The following NCR1 variants were observed in gnomAD, a reference collection of about 807,000 sequenced individuals.
The protein encoded by NCR1 is natural cytotoxicity triggering receptor 1, also known as NK cell-activating receptor.
NCR1 carries 30 observed loss-of-function variants against 32.5 expected under a neutral mutation model. The ratio of observed to expected loss-of-function variants is 0.92; its 90% CI spans 0.69 to 1.25. The LOEUF (loss-of-function observed/expected upper bound fraction) is 1.25. NCR1 is among the 50% of genes most tolerant of loss of function. NCR1 has a pLI of 0.00. For synonymous variants in NCR1, 169 were observed against 143.4 expected, an observed-to-expected ratio of 1.18 and a Z score of -1.28; for missense variants, 369 against 380.7, an observed-to-expected ratio of 0.97 and a Z score of 0.26.
In NCR1 at chr19:54,906,566, G is replaced by A. The variant is rs1569536421; in HGVS notation, c.114G>A (p.Met38Ile). 5 of 1,612,736 alleles carry A rather than the reference G, an allele frequency of 3.1e-6. No individual in the cohort carries two copies. Among genetic ancestry groups the A allele is most frequent in the Admixed American group, 1.7e-5 (1 of 59,992 alleles). The change falls in exon 3 of 7, where the codon ATG becomes ATA. Residue 38 changes from methionine (M) to isoleucine (I), a missense_variant. By Grantham distance (10) the Met-to-Ile change is conservative. Transcript: ENST00000291890. ...TCATCTGGGCCGAGCCCCATTTCAT[G>A]GTTCCAAAGGAAAAGCAAGTGACCA... is the stretch of plus-strand genomic sequence containing the variant. ...KPFIWAEPHF[M>I]VPKEKQVTIC...
the NCR1 span, chr19:54,938,028 A>G: frequency 3.7e-6 from 6 of 1,602,340 alleles, no homozygotes; most frequent in Non-Finnish European, 8.6e-7. Context: ...TCCTTGCAAG[A>G]TGAGCTTCTA....
upstream of NCR1, among the ~76,000 whole-genome samples, chr19:54,902,302 A>ATT (rs772490924): frequency 1.2e-4 from 18 of 144,588 alleles, no homozygotes; most frequent in African/African-American, 4.0e-4. Flanking sequence ...GAAATTACAG[A>ATT]TTTTTTTTTT....
downstream of NCR1, among the ~76,000 whole-genome samples, chr19:54,919,249 G>C (rs1243302913): frequency 2.0e-5 from 3 of 152,108 alleles, no homozygotes; most frequent in East Asian, 5.8e-4. Context: ...AGCTGGGCCC[G>C]GGGGACCACT....
chr19:54,906,361 T>G, intron 2 of NCR1, 27 bp downstream of exon 2: 4 of 1,612,084 alleles, frequency 2.5e-6, no homozygotes, highest in Non-Finnish European at 3.4e-6. Flanking sequence ...AAGCCCAGGG[T>G]CACTCTTCCG....
chr19:54,900,490 T>C, the NCR1 span, among the ~76,000 whole-genome samples: 3 of 152,086 alleles, frequency 2.0e-5, no homozygotes, highest in African/African-American at 7.2e-5. Context: ...CATTTTCATT[T>C]CTTTCGTGGT....
At chr19:54,934,496 T>G in the NCR1 span, 1 of 1,614,054 alleles carries the variant, frequency 6.2e-7, no homozygotes, top group Non-Finnish European at 8.5e-7. The surrounding 1 kb of genome is among the most constrained non-coding windows in gnomAD (Gnocchi z 6.7). Context: ...TACGACAACA[T>G]CTGCAGGAAG....
chr19:54,902,830 G>A (rs1243493043), upstream of NCR1, among the ~76,000 whole-genome samples: 1 of 150,018 alleles, frequency 6.7e-6, no homozygotes, highest in African/African-American at 2.5e-5. Flanking sequence ...TGAATCTTCA[G>A]TAAATAAGAA....
At chr19:54,911,033 C>T (rs1470095120) in intron 5 of NCR1, among the ~76,000 whole-genome samples, 1 of 151,982 alleles carries the variant, frequency 6.6e-6, no homozygotes, top group African/African-American at 2.4e-5. Context: ...GTGGGATGGG[C>T]CTGGGGCGCA....
chr19:54,931,031 AAC>A, the NCR1 span, among the ~76,000 whole-genome samples: 16 of 152,226 alleles, frequency 1.1e-4, no homozygotes, highest in African/African-American at 1.9e-4. Flanking sequence ...TCAAGAAAAC[AAC>A]AACAACAACA....
chr19:54,926,973 C>G, the NCR1 span, among the ~76,000 whole-genome samples: 1 of 150,762 alleles, frequency 6.6e-6, no homozygotes. Context: ...ACCTGTAATC[C>G]CAGCTACTCA....
At chr19:54,927,625 AG>A in the NCR1 span, 2 of 1,614,164 alleles carry the variant, frequency 1.2e-6, no homozygotes, top group Admixed American at 1.7e-5. Flanking sequence ...TCAAGGATCC[AG>A]TTCTTTGTCT....
the NCR1 span, among the ~76,000 whole-genome samples, chr19:54,900,673 A>G: frequency 1.3e-5 from 2 of 152,010 alleles, no homozygotes; most frequent in Admixed American, 1.3e-4. Flanking sequence ...GACCCACTGC[A>G]CCTGGCCTTA....
chr19:54,928,309 C>T, the NCR1 span, among the ~76,000 whole-genome samples: 1 of 152,074 alleles, frequency 6.6e-6, no homozygotes, highest in Non-Finnish European at 1.5e-5. Context: ...GCAGGAGAAT[C>T]GCCTGAACCA....
upstream of NCR1, among the ~76,000 whole-genome samples, chr19:54,903,327 T>TAC (rs1255617879): frequency 7.2e-6 from 1 of 138,748 alleles, no homozygotes; most frequent in African/African-American, 2.9e-5. Context: ...CATGTATATA[T>TAC]ACATGTATGT....
chr19:54,910,312 C>T (rs1569537232), intron 5 of NCR1, among the ~76,000 whole-genome samples: 1 of 152,096 alleles, frequency 6.6e-6, no homozygotes, highest in African/African-American at 2.4e-5. Flanking sequence ...TGGCTCACAC[C>T]TGTAATCCCA....
At chr19:54,910,443 G>A (rs587673346) in intron 5 of NCR1, among the ~76,000 whole-genome samples, 15 of 151,792 alleles carry the variant, frequency 9.9e-5, no homozygotes, top group Non-Finnish European at 1.8e-4. Context: ...GGTGGTGCTC[G>A]CCTGTAATCC....
At chr19:54,906,853 C>T (rs751801370) in intron 3 of NCR1, 46 bp downstream of exon 3, 18 of 1,597,506 alleles carry the variant, frequency 1.1e-5, no homozygotes, top group East Asian at 8.9e-5. Flanking sequence ...AGTCTGCATC[C>T]GGGATGCAGC....
chr19:54,934,886 G>A, the NCR1 span, among the ~76,000 whole-genome samples: 12 of 152,022 alleles, frequency 7.9e-5, 1 homozygote, highest in Non-Finnish European at 1.2e-4. The surrounding 1 kb of genome is among the most constrained non-coding windows in gnomAD (Gnocchi z 6.7). Context: ...TAGTAGAGAC[G>A]GGATTTCACC....
chr19:54,918,612 C>A (rs762900100), downstream of NCR1, among the ~76,000 whole-genome samples: 9 of 152,138 alleles, frequency 5.9e-5, no homozygotes, highest in Non-Finnish European at 1.3e-4. Flanking sequence ...CTTCTGCCCT[C>A]CCCCTTCTGA....
Sources: allele counts gnomAD v4.1 joint callset (sites outside exome capture counted in the v4.1 genomes callset), GRCh38; gene constraint gnomAD v4.1.1; non-coding constraint Gnocchi (gnomAD v3.1); transcripts MANE v1.5; gene names NCBI Gene and HGNC (gene_info 2026-07-23, HGNC 2026-07-21).